Variants in PRKG1 observed in about 807,000 individuals in gnomAD.
PRKG1 encodes protein kinase cGMP-dependent 1.
Under a neutral mutation model 88.1 loss-of-function variants are expected in PRKG1, and 35 were observed. The ratio of observed to expected loss-of-function variants is 0.40; its 90% CI spans 0.30 to 0.53. The LOEUF (loss-of-function observed/expected upper bound fraction) is 0.53. Ranked by LOEUF, PRKG1 falls within the 20% of genes least tolerant of loss-of-function variation. PRKG1 has a pLI of 0.59. For synonymous variants in PRKG1, 303 were observed against 292.5 expected (o/e 1.04, Z -0.37); for missense variants, 540 against 839.8 (o/e 0.64, Z 4.41).
intron 1 of PRKG1, among the ~76,000 whole-genome samples, chr10:50,999,908 A>C (rs1842871638): frequency 6.6e-6 from 1 of 152,178 alleles, no homozygotes; most frequent in South Asian, 2.1e-4. Flanking sequence ...CCAAGTAAAA[A>C]CCTCAGCTTA....
At position 51,687,683 on chromosome 10, in the gene PRKG1, G is replaced by A. The variant is rs189734369; in HGVS notation, c.593-116902G>A. ...AGATAATTTTTTGACGAATGGTGGT[G>A]GCATTCATTCCAGAGAGTCACAGCT... On this transcript the variant is annotated intron_variant, in intron 3 of 17. Coordinates refer to ENST00000373980, the MANE Select transcript of PRKG1 (RefSeq NM_006258.4). 1.4e-3 allele frequency among the ~76,000 whole-genome samples: 217 copies of A among 152,260 alleles called. 7 individuals carry two copies. The highest frequency in any genetic ancestry group is 6.8e-3 in the Middle Eastern group (2 of 294).
intron 8 of PRKG1, among the ~76,000 whole-genome samples, chr10:52,151,239 C>T (rs773479066): frequency 4.6e-5 from 7 of 152,052 alleles, no homozygotes; most frequent in Middle Eastern, 3.2e-3. Context: ...CTCCTCTCAC[C>T]TTTCACCCTC....
At chr10:51,757,139 G>T (rs1837889272) in intron 3 of PRKG1, among the ~76,000 whole-genome samples, 1 of 151,574 alleles carries the variant, frequency 6.6e-6, no homozygotes, top group Non-Finnish European at 1.5e-5. Context: ...GTCTTACTCT[G>T]TCCGAAGGCT....
At chr10:51,834,408 A>C (rs72799463) in intron 4 of PRKG1, among the ~76,000 whole-genome samples, 20,912 of 152,074 alleles carry the variant, frequency 0.14, 1,945 homozygotes, top group African/African-American at 0.26. Context: ...TGGGAGGCCG[A>C]GGCAAGAGGA....
chr10:52,231,415 GAGAA>G (rs1840518987), intron 9 of PRKG1: 1 of 151,506 alleles, frequency 6.6e-6, no homozygotes, highest in Admixed American at 6.6e-5. Context: ...GAAAGAAAGA[GAGAA>G]AGAGAGAGAG....
intron 1 of PRKG1, among the ~76,000 whole-genome samples, chr10:51,102,780 A>C (rs192961636): frequency 2.6e-5 from 4 of 152,316 alleles, no homozygotes; most frequent in African/African-American, 9.6e-5. Context: ...AAACGTAAGC[A>C]TCTTTCAGGG....
chr10:51,889,303 C>T (rs7913064), intron 4 of PRKG1, among the ~76,000 whole-genome samples: 73,702 of 149,156 alleles, frequency 0.49, 18,376 homozygotes, highest in Middle Eastern at 0.54. Context: ...AGTGAGAACA[C>T]GCAGTGTTTG....
At chr10:51,233,686 CATGT>C (rs1442470323) in intron 2 of PRKG1, among the ~76,000 whole-genome samples, 1 of 152,098 alleles carries the variant, frequency 6.6e-6, no homozygotes, top group Non-Finnish European at 1.5e-5. Flanking sequence ...CAGATAAATG[CATGT>C]GAGAGAGATC....
intron 1 of PRKG1, among the ~76,000 whole-genome samples, chr10:51,127,519 A>G (rs989372055): frequency 1.3e-5 from 2 of 152,218 alleles, no homozygotes; most frequent in Admixed American, 1.3e-4. Flanking sequence ...AGGAATGTAA[A>G]TTGGTTCAAC....
chr10:51,108,679 T>C (rs1414831145), intron 1 of PRKG1, among the ~76,000 whole-genome samples: 3 of 152,184 alleles, frequency 2.0e-5, no homozygotes, highest in African/African-American at 7.2e-5. Context: ...TACTTAATGG[T>C]GGGCGATTGA....
intron 2 of PRKG1, among the ~76,000 whole-genome samples, chr10:51,284,939 C>T (rs1450491200): frequency 1.0e-4 from 14 of 134,286 alleles, no homozygotes; most frequent in African/African-American, 3.9e-4. Flanking sequence ...TACATGTGCA[C>T]ATTGTGCAGG....
chr10:51,106,285 T>C, intron 1 of PRKG1, among the ~76,000 whole-genome samples: 1 of 152,200 alleles, frequency 6.6e-6, no homozygotes, highest in Non-Finnish European at 1.5e-5. Context: ...CATAGAATTA[T>C]GGTAAATTCT....
At chr10:52,045,729 TG>T (rs1845848713) in intron 5 of PRKG1, among the ~76,000 whole-genome samples, 1 of 152,106 alleles carries the variant, frequency 6.6e-6, no homozygotes, top group African/African-American at 2.4e-5. Flanking sequence ...AACAATTTTT[TG>T]TCCACATTTG....
chr10:51,881,700 C>T (rs529681642), intron 4 of PRKG1, among the ~76,000 whole-genome samples: 4 of 151,888 alleles, frequency 2.6e-5, no homozygotes, highest in African/African-American at 7.3e-5. Context: ...CTTTAGACAG[C>T]GGAAGGAAAA....
At chr10:51,114,334 G>A (rs569433292) in intron 1 of PRKG1, among the ~76,000 whole-genome samples, 106 of 151,988 alleles carry the variant, frequency 7.0e-4, no homozygotes, top group African/African-American at 2.5e-3. Context: ...ATTTTGTTTT[G>A]TTTTGTTTTG....
intron 8 of PRKG1, among the ~76,000 whole-genome samples, chr10:52,135,099 A>G (rs1305838137): frequency 1.3e-5 from 2 of 152,052 alleles, no homozygotes; most frequent in Non-Finnish European, 2.9e-5. Context: ...AAAAATAACC[A>G]TGATACAAGG....
intron 3 of PRKG1, among the ~76,000 whole-genome samples, chr10:51,592,713 G>T (rs2057351421): frequency 1.3e-5 from 2 of 152,204 alleles, no homozygotes; most frequent in South Asian, 4.2e-4. Context: ...GCACATTCTG[G>T]CATTCTGGGG....
chr10:52,104,178 T>C (rs1268531579), intron 7 of PRKG1, among the ~76,000 whole-genome samples: 1 of 151,774 alleles, frequency 6.6e-6, no homozygotes, highest in African/African-American at 2.4e-5. Context: ...TAAATCTTCT[T>C]ATTTTATGTA....
At chr10:51,245,505 A>G (rs1839266532) in intron 2 of PRKG1, 1 of 152,108 alleles carries the variant, frequency 6.6e-6, no homozygotes, top group East Asian at 1.9e-4. Context: ...AATACTGAAG[A>G]TGTTGTAAAT....
Sources: gnomAD v4.1 joint callset for allele counts (sites outside exome capture counted in the v4.1 genomes callset) on GRCh38, gnomAD v4.1.1 for gene constraint, MANE v1.5 for transcripts, NCBI Gene and HGNC (gene_info 2026-07-23, HGNC 2026-07-21) for gene names.